The following SOX6 variants were observed in gnomAD, a reference collection of about 807,000 sequenced individuals.
SOX6 encodes the protein SRY-box transcription factor 6.
In SOX6, 11 loss-of-function variants were observed where a neutral mutation model predicts 97.8. The observed-to-expected ratio is 0.11, with a 90% CI of 0.07 to 0.19. The LOEUF (loss-of-function observed/expected upper bound fraction) is 0.19. SOX6 is among the 10% of genes least tolerant of loss of function. SOX6 has a pLI of 1.00. For missense variants in SOX6, 810 were observed against 1,039.5 expected, an observed-to-expected ratio of 0.78 and a Z score of 3.04; for synonymous variants, 360 against 371.4, an observed-to-expected ratio of 0.97 and a Z score of 0.35.
chr11:16,299,955 C>T (rs1855207442), intron 3 of SOX6, among the ~76,000 whole-genome samples: 1 of 152,096 alleles, frequency 6.6e-6, no homozygotes, highest in Non-Finnish European at 1.5e-5. Flanking sequence ...AATTCTGTTT[C>T]CTTAATGTGA....
chr11:16,357,521 C>A (rs1406907907), upstream of SOX6, among the ~76,000 whole-genome samples: 1 of 152,050 alleles, frequency 6.6e-6, no homozygotes, highest in African/African-American at 2.4e-5. Flanking sequence ...GTCTTTTCAG[C>A]CAACACAGTC....
chr11:16,486,197 A>G (rs1451894645), intron 4 of SOX6, among the ~76,000 whole-genome samples: 5 of 152,060 alleles, frequency 3.3e-5, no homozygotes, highest in Non-Finnish European at 7.4e-5. Flanking sequence ...CGTCTTCACT[A>G]CAGAAAAATT....
At chr11:16,681,086 A>G (rs1169037748) in intron 3 of SOX6, among the ~76,000 whole-genome samples, 1 of 152,236 alleles carries the variant, frequency 6.6e-6, no homozygotes, top group Non-Finnish European at 1.5e-5. Flanking sequence ...CAGGACTTGA[A>G]CTCAGCTCTG....
At chr11:16,437,647 A>G (rs1226286886) in intron 1 of SOX6, among the ~76,000 whole-genome samples, 2 of 152,218 alleles carry the variant, frequency 1.3e-5, no homozygotes, top group African/African-American at 2.4e-5. Context: ...CCACAAAAAC[A>G]GGGGCAACTA....
At chr11:16,389,756 C>CGG (rs1225618908) in intron 1 of SOX6, among the ~76,000 whole-genome samples, 1 of 151,632 alleles carries the variant, frequency 6.6e-6, no homozygotes, top group Non-Finnish European at 1.5e-5. Context: ...ATCACGAAGT[C>CGG]GGGGGATCGA....
chr11:16,640,026 G>A (rs1280001995), intron 3 of SOX6, among the ~76,000 whole-genome samples: 1 of 152,150 alleles, frequency 6.6e-6, no homozygotes, highest in Non-Finnish European at 1.5e-5. Flanking sequence ...TGCCCATTCA[G>A]TGTGATACTG....
At chr11:16,326,307 G>A (rs879294996) in intron 2 of SOX6, among the ~76,000 whole-genome samples, 13 of 151,808 alleles carry the variant, frequency 8.6e-5, no homozygotes, top group Non-Finnish European at 1.5e-4. Context: ...CTCCTCTGAT[G>A]CACTCGTCTC....
At chr11:16,233,221 G>A (rs1332150540) in intron 4 of SOX6, among the ~76,000 whole-genome samples, 1 of 152,028 alleles carries the variant, frequency 6.6e-6, no homozygotes, top group Non-Finnish European at 1.5e-5. Flanking sequence ...ATGTAACTAA[G>A]TACCCAAATT....
intron 1 of SOX6, among the ~76,000 whole-genome samples, chr11:16,404,704 C>A (rs1858648542): frequency 6.6e-6 from 1 of 151,760 alleles, no homozygotes; most frequent in Admixed American, 6.6e-5. Flanking sequence ...AAAGACACAC[C>A]CCAAGCCGTT....
chr11:16,377,229 T>C (rs1465130304), intron 1 of SOX6, among the ~76,000 whole-genome samples: 1 of 152,026 alleles, frequency 6.6e-6, no homozygotes, highest in East Asian at 1.9e-4. Flanking sequence ...AGTAGATAAA[T>C]AAAAACTGCA....
intron 9 of SOX6, among the ~76,000 whole-genome samples, chr11:16,093,055 CG>C (rs896062647): frequency 6.6e-6 from 1 of 151,848 alleles, no homozygotes; most frequent in African/African-American, 2.4e-5. Flanking sequence ...GAAATTTATA[CG>C]GGTGAGAGAA....
chr11:16,491,291 A>G (rs1226258623), intron 4 of SOX6, among the ~76,000 whole-genome samples: 1 of 152,162 alleles, frequency 6.6e-6, no homozygotes, highest in Non-Finnish European at 1.5e-5. Flanking sequence ...AACTATCACA[A>G]ATATCAAATA....
Position 16,491,158 on chromosome 11 carries a change from A to G in SOX6, n.610-14770T>C, listed in dbSNP as rs1590221655. Among the ~76,000 whole-genome samples, 3 of 152,184 alleles carry G rather than the reference A, an allele frequency of 2.0e-5. No individual in the cohort carries two copies. The South Asian group carries it at 6.2e-4, about 31-fold the overall frequency. ...AATTCAAAAGAACCTACAGATGAAG[A>G]ATTACTATTAACAAATGGGCTTGGC... is the stretch of plus-strand genomic sequence containing the variant. On this transcript the variant is annotated intron_variant and non_coding_transcript_variant, in intron 4 of 5. Transcript: ENST00000524520.
intron 9 of SOX6, among the ~76,000 whole-genome samples, chr11:16,078,651 A>C (rs543194539): frequency 6.6e-6 from 1 of 152,258 alleles, no homozygotes; most frequent in East Asian, 1.9e-4. Flanking sequence ...AAGACAGATA[A>C]GCATATAGAT....
intron 2 of SOX6, among the ~76,000 whole-genome samples, chr11:16,331,050 T>C (rs887289096): frequency 6.6e-6 from 1 of 152,198 alleles, no homozygotes; most frequent in Non-Finnish European, 1.5e-5. Context: ...TTTCTATGCC[T>C]GGAGAGTCTC....
intron 3 of SOX6, among the ~76,000 whole-genome samples, chr11:16,656,462 T>A (rs1215316936): frequency 6.6e-6 from 1 of 152,200 alleles, no homozygotes; most frequent in Non-Finnish European, 1.5e-5. Flanking sequence ...AACAGTATTT[T>A]AGCTTAACTC....
chr11:16,368,556 C>T (rs114863661), intron 1 of SOX6, among the ~76,000 whole-genome samples: 2,375 of 152,124 alleles, frequency 0.016, 60 homozygotes, highest in African/African-American at 0.054. Flanking sequence ...GTATATCTAC[C>T]TATTTAAAAA....
At chr11:16,555,830 T>C (rs963514236) in intron 4 of SOX6, among the ~76,000 whole-genome samples, 4 of 151,708 alleles carry the variant, frequency 2.6e-5, no homozygotes, top group Admixed American at 6.6e-5. Flanking sequence ...AACAAATTCA[T>C]ATTTACCAAT....
chr11:16,358,360 T>C (rs12805751), upstream of SOX6, among the ~76,000 whole-genome samples: 14,084 of 152,190 alleles, frequency 0.093, 776 homozygotes, highest in Non-Finnish European at 0.13. Context: ...CTTAAAAATA[T>C]ATTTTACAAG....
Sources: allele counts gnomAD v4.1 joint callset (sites outside exome capture counted in the v4.1 genomes callset), GRCh38; gene constraint gnomAD v4.1.1; transcripts MANE v1.5; gene names NCBI Gene and HGNC (gene_info 2026-07-23, HGNC 2026-07-21).